Variants in FARS2 observed in about 807,000 individuals in gnomAD.
FARS2 encodes the protein phenylalanine--tRNA ligase, mitochondrial.
In FARS2, 40 loss-of-function variants were observed where a neutral mutation model predicts 46.4. The observed-to-expected ratio is 0.86, with a 90% CI of 0.67 to 1.12. The LOEUF is 1.12. Among genes scored for constraint, FARS2 ranks in the 50% most tolerant of loss-of-function variants. The pLI is 0.00. For missense variants in FARS2, 513 were observed against 567.9 expected, an observed-to-expected ratio of 0.90 and a Z score of 0.98; for synonymous variants, 234 against 214.9, an observed-to-expected ratio of 1.09 and a Z score of -0.78.
chr6:5,543,619 C>T (rs1238745679), intron 4 of FARS2, among the ~76,000 whole-genome samples: 1 of 152,070 alleles, frequency 6.6e-6, no homozygotes, highest in Admixed American at 6.5e-5. Context: ...CCTTGTCCTG[C>T]CAAAGTGCTG....
chr6:5,613,214 T>C lies in FARS2; in HGVS notation c.1111T>C (p.Leu371=). 1 of 1,613,432 alleles carries C rather than the reference T, an allele frequency of 6.2e-7. No homozygotes were observed. The highest frequency in any genetic ancestry group is 8.5e-7 in the Non-Finnish European group (1 of 1,179,570). ...PAVINDISFW[L]PSENYAENDF... ...TGTGATCAATGATATTTCATTCTGGTTGCCCTCTGAGAATTACGCAGAAAA... is the reference window on the plus strand; with the variant it reads ...TGTGATCAATGATATTTCATTCTGGCTGCCCTCTGAGAATTACGCAGAAAA... Residue 371 remains leucine (L), a synonymous_variant, in exon 6 of 7, where the codon TTG becomes CTG. Coordinates refer to ENST00000274680, the MANE Select transcript of FARS2 (RefSeq NM_006567.5).
chr6:5,372,318 G>C (rs1041861069), intron 2 of FARS2, among the ~76,000 whole-genome samples: 3 of 152,030 alleles, frequency 2.0e-5, no homozygotes, highest in Non-Finnish European at 4.4e-5. Context: ...TTAAAATTTG[G>C]TAGCCATAAA....
At chr6:5,382,168 G>A (rs2503803) in intron 2 of FARS2, among the ~76,000 whole-genome samples, 99,608 of 152,074 alleles carry the variant, frequency 0.65, 33,059 homozygotes, top group African/African-American at 0.75. Context: ...AAAGATTTAC[G>A]TTTGACAAAT....
At chr6:5,480,617 T>C (rs571274476) in intron 4 of FARS2, among the ~76,000 whole-genome samples, 58 of 152,360 alleles carry the variant, frequency 3.8e-4, no homozygotes, top group East Asian at 1.5e-3. Flanking sequence ...AATGACGGTT[T>C]CAAGCACATT....
intron 6 of FARS2, among the ~76,000 whole-genome samples, chr6:5,670,621 A>T (rs374204213): frequency 1.3e-5 from 2 of 152,356 alleles, no homozygotes; most frequent in South Asian, 2.1e-4. Context: ...ACTTGTACGT[A>T]CTTTTAGAAA....
intron 4 of FARS2, among the ~76,000 whole-genome samples, chr6:5,539,518 T>C (rs12208161): frequency 0.18 from 27,332 of 151,286 alleles, 3,377 homozygotes; most frequent in Non-Finnish European, 0.26. Flanking sequence ...AGGTGTGAGC[T>C]ACCGCACTCG....
At chr6:5,635,586 A>C (rs949874428) in intron 6 of FARS2, among the ~76,000 whole-genome samples, 3 of 152,148 alleles carry the variant, frequency 2.0e-5, no homozygotes, top group African/African-American at 7.2e-5. Context: ...TGCAGGTGAC[A>C]CATGTGCTGG....
intron 3 of FARS2, among the ~76,000 whole-genome samples, chr6:5,420,067 G>A (rs1012520483): frequency 6.6e-6 from 1 of 152,162 alleles, no homozygotes; most frequent in Non-Finnish European, 1.5e-5. Context: ...CGAAAGACAC[G>A]TCTCACAAGG....
chr6:5,573,051 C>T (rs1018833593), intron 5 of FARS2, among the ~76,000 whole-genome samples: 1 of 152,146 alleles, frequency 6.6e-6, no homozygotes. Flanking sequence ...CAGTCTGCCT[C>T]GCCCCCTGCT....
At chr6:5,440,710 G>A (rs542796717) in intron 4 of FARS2, among the ~76,000 whole-genome samples, 2 of 152,102 alleles carry the variant, frequency 1.3e-5, no homozygotes, top group African/African-American at 4.8e-5. Flanking sequence ...AGAAGTGGAG[G>A]GGGGGTGTCT....
chr6:5,458,383 G>A lies in FARS2; in HGVS notation c.904+27211G>A, dbSNP rs1197477092. 2.0e-5 allele frequency among the ~76,000 whole-genome samples: 3 copies of A among 152,324 alleles called. No homozygotes were observed. The East Asian group carries it at 5.8e-4, about 29-fold the overall frequency. On this transcript the variant is annotated intron_variant, in intron 4 of 6. Transcript: ENST00000274680. The stretch of plus-strand genomic sequence containing the variant: ...CTGGCCTTCCTGCCAGGGCTGAGGA[G>A]CACTGGAGCCCTAGAAGGGGACTGC...
At chr6:5,611,285 A>G (rs1399496383) in intron 5 of FARS2, among the ~76,000 whole-genome samples, 1 of 152,168 alleles carries the variant, frequency 6.6e-6, no homozygotes, top group Non-Finnish European at 1.5e-5. Flanking sequence ...TTATATGGAG[A>G]AAGCCACTTA....
intron 5 of FARS2, among the ~76,000 whole-genome samples, chr6:5,598,352 C>T (rs1774320672): frequency 1.3e-5 from 2 of 152,176 alleles, no homozygotes; most frequent in Admixed American, 6.5e-5. Context: ...CACTGCACTC[C>T]AGCCCAGGCA....
Position 5,620,654 on chromosome 6 carries a change from T to C in FARS2, c.1217+7334T>C, listed in dbSNP as rs1273818574. Among the ~76,000 whole-genome samples, 5 of 152,194 alleles carry C rather than the reference T, an allele frequency of 3.3e-5. No individual in the cohort carries two copies. In the East Asian group the frequency reaches 9.6e-4, roughly 29 times the overall value. ...CTGCTCTTTTTTGTCTTATACAGAG[T>C]TCAGAATACCCCACCTGGGCCCCGA... On this transcript the variant is annotated intron_variant, in intron 6 of 6. Coordinates refer to ENST00000274680, the MANE Select transcript of FARS2 (RefSeq NM_006567.5).
chr6:5,528,787 AG>A (rs1769634027), intron 4 of FARS2, among the ~76,000 whole-genome samples: 1 of 152,240 alleles, frequency 6.6e-6, no homozygotes, highest in African/African-American at 2.4e-5. Context: ...TAAAAGCAAC[AG>A]GTATGTAAGT....
intron 3 of FARS2, among the ~76,000 whole-genome samples, chr6:5,428,416 A>G (rs1762968881): frequency 6.6e-6 from 1 of 152,206 alleles, no homozygotes; most frequent in Non-Finnish European, 1.5e-5. Context: ...AATTATATTT[A>G]ATTATATGAA....
intron 4 of FARS2, among the ~76,000 whole-genome samples, chr6:5,508,021 A>C (rs1191472622): frequency 6.6e-6 from 1 of 152,246 alleles, no homozygotes; most frequent in African/African-American, 2.4e-5. Flanking sequence ...GGAACAAGGC[A>C]TGAAGTTTTA....
intron 3 of FARS2, among the ~76,000 whole-genome samples, chr6:5,413,951 G>A (rs944528309): frequency 6.6e-6 from 1 of 152,130 alleles, no homozygotes; most frequent in African/African-American, 2.4e-5. Context: ...TTGGACTGCT[G>A]ATTACCAGCC....
intron 4 of FARS2, among the ~76,000 whole-genome samples, chr6:5,440,832 G>C (rs766716444): frequency 2.6e-5 from 4 of 152,052 alleles, no homozygotes; most frequent in African/African-American, 4.8e-5. Flanking sequence ...GTTTATACTG[G>C]TGGTGTTTTA....
Sources: gnomAD v4.1 joint callset for allele counts (sites outside exome capture counted in the v4.1 genomes callset) on GRCh38, gnomAD v4.1.1 for gene constraint, MANE v1.5 for transcripts, NCBI Gene and HGNC (gene_info 2026-07-23, HGNC 2026-07-21) for gene names.